Variants in FCHSD2 observed in about 807,000 individuals in gnomAD.
FCHSD2 encodes the protein F-BAR and double SH3 domains protein 2.
Under a neutral mutation model 108.1 loss-of-function variants are expected in FCHSD2, and 38 were observed. The ratio of observed to expected loss-of-function variants is 0.35; its 90% CI spans 0.27 to 0.46. FCHSD2 has a LOEUF of 0.46. FCHSD2 is among the 20% of genes least tolerant of loss of function. The pLI, the probability that FCHSD2 is intolerant of heterozygous loss-of-function variation, is 1.00. For missense variants in FCHSD2, 751 were observed against 897.8 expected, an observed-to-expected ratio of 0.84 and a Z score of 2.09; for synonymous variants, 279 against 314.7, an observed-to-expected ratio of 0.89 and a Z score of 1.20.
intron 2 of FCHSD2, among the ~76,000 whole-genome samples, chr11:73,108,125 C>T (rs1860389514): frequency 6.6e-6 from 1 of 152,296 alleles, no homozygotes; most frequent in South Asian, 2.1e-4. Flanking sequence ...GGGGTAATAT[C>T]TCATTGTAGT....
chr11:72,884,610 T>C (rs1473014587), intron 12 of FCHSD2, among the ~76,000 whole-genome samples: 3 of 149,862 alleles, frequency 2.0e-5, no homozygotes, highest in Admixed American at 6.7e-5. Flanking sequence ...AAAGATCATA[T>C]ATATACACAC....
chr11:73,125,862 C>G (rs80126159), intron 2 of FCHSD2, among the ~76,000 whole-genome samples: 2 of 152,160 alleles, frequency 1.3e-5, no homozygotes, highest in Admixed American at 1.3e-4. Flanking sequence ...ATATAAAACA[C>G]TTCTTTTAGT....
rs755094915 is a variant in FCHSD2, at chr11:72,989,112, A to G, written c.388-15T>C. The G allele has an allele frequency of 1.5e-5, 24 of 1,593,038 alleles. No individual in the cohort carries two copies. Among genetic ancestry groups the G allele is most frequent in the Admixed American group, 5.3e-5 (3 of 56,628 alleles). On this transcript the variant is annotated splice_polypyrimidine_tract_variant and intron_variant, in intron 5 of 19. Coordinates refer to ENST00000409418, the MANE Select transcript of FCHSD2 (RefSeq NM_014824.3). ...TGGTCCACACACTGTAAAATACAAA[A>G]GTACAATCATTATGATTTTAGTTTT...
At chr11:72,944,315 T>C (rs149828222) in intron 8 of FCHSD2, among the ~76,000 whole-genome samples, 34,251 of 152,054 alleles carry the variant, frequency 0.23, 4,624 homozygotes, top group Middle Eastern at 0.37. Context: ...ATTATCTCAA[T>C]AGATGCAGAA....
At chr11:72,997,910 A>G (rs1406804927) in intron 5 of FCHSD2, among the ~76,000 whole-genome samples, 1 of 152,210 alleles carries the variant, frequency 6.6e-6, no homozygotes, top group African/African-American at 2.4e-5. Context: ...CATGTTGGCC[A>G]GGCTGATCTT....
intron 12 of FCHSD2, among the ~76,000 whole-genome samples, chr11:72,882,094 G>A (rs749842717): frequency 7.9e-5 from 12 of 151,874 alleles, no homozygotes; most frequent in African/African-American, 1.2e-4. Context: ...GCAGTGAGCC[G>A]AAATCGCGCC....
At chr11:72,930,363 C>T (rs944632106) in intron 8 of FCHSD2, among the ~76,000 whole-genome samples, 2 of 152,228 alleles carry the variant, frequency 1.3e-5, no homozygotes, top group Admixed American at 6.5e-5. Flanking sequence ...TTTGTACATA[C>T]TGAAGATCAC....
At chr11:72,991,651 G>A (rs903442040) in intron 5 of FCHSD2, among the ~76,000 whole-genome samples, 1 of 152,032 alleles carries the variant, frequency 6.6e-6, no homozygotes, top group Non-Finnish European at 1.5e-5. Flanking sequence ...CAGAACCAAC[G>A]ACAAAAACCA....
chr11:73,072,118 G>A (rs936541034), intron 3 of FCHSD2, among the ~76,000 whole-genome samples: 4 of 151,020 alleles, frequency 2.6e-5, no homozygotes, highest in Admixed American at 6.6e-5. Flanking sequence ...AAATAAAAAC[G>A]GGCATGTTCA....
At chr11:72,915,781 G>C (rs987376962) in intron 9 of FCHSD2, among the ~76,000 whole-genome samples, 5 of 152,134 alleles carry the variant, frequency 3.3e-5, no homozygotes, top group African/African-American at 1.2e-4. Context: ...TCACGCCATT[G>C]CTCTCCAGCC....
intron 3 of FCHSD2, among the ~76,000 whole-genome samples, chr11:73,028,210 T>C (rs1858274314): frequency 6.6e-6 from 1 of 152,112 alleles, no homozygotes; most frequent in African/African-American, 2.4e-5. Context: ...TGGCAGCCTG[T>C]GAAAGTAGCT....
Position 73,066,712 on chromosome 11 carries a change from T to C in FCHSD2, c.165+16983A>G, listed in dbSNP as rs538589370. 3.9e-5 allele frequency among the ~76,000 whole-genome samples: 6 copies of C among 151,956 alleles called. No individual in the cohort carries two copies. The East Asian group carries it at 9.6e-4, about 24-fold the overall frequency. ...CAGTTCTCAAAAGAAGACATTTATGTAGCCAACAGACATGAAAAAATGCTC... is the reference window on the plus strand; with the variant it reads ...CAGTTCTCAAAAGAAGACATTTATGCAGCCAACAGACATGAAAAAATGCTC... On this transcript the variant is annotated intron_variant, in intron 3 of 19. Transcript: ENST00000409418.
intron 8 of FCHSD2, 54 bp from the exon 9 acceptor site, chr11:72,922,004 T>A: frequency 7.7e-7 from 1 of 1,305,552 alleles, no homozygotes; most frequent in East Asian, 2.5e-5. Flanking sequence ...CCTTGACATA[T>A]GATATCTTCT....
At chr11:73,005,984 T>TA (rs1440151870) in intron 4 of FCHSD2, among the ~76,000 whole-genome samples, 1 of 150,694 alleles carries the variant, frequency 6.6e-6, no homozygotes, top group Non-Finnish European at 1.5e-5. Flanking sequence ...CACAGCTTAC[T>TA]ACAGCCTCGA....
intron 9 of FCHSD2, among the ~76,000 whole-genome samples, chr11:72,906,344 G>C (rs1468201029): frequency 6.6e-6 from 1 of 152,086 alleles, no homozygotes; most frequent in Non-Finnish European, 1.5e-5. Flanking sequence ...CAGATGGGTA[G>C]ATTGCAAAGA....
intron 3 of FCHSD2, among the ~76,000 whole-genome samples, chr11:73,072,252 G>C (rs961567458): frequency 1.3e-5 from 2 of 151,364 alleles, no homozygotes; most frequent in African/African-American, 4.9e-5. Flanking sequence ...AAATAATGGG[G>C]ATCAGCATCA....
intron 2 of FCHSD2, among the ~76,000 whole-genome samples, chr11:73,137,117 G>C (rs1368528225): frequency 6.6e-6 from 1 of 152,044 alleles, no homozygotes; most frequent in African/African-American, 2.4e-5. Context: ...AGAGAAGCCA[G>C]ATCACCTCCT....
At chr11:73,056,714 C>T (rs1565388672) in intron 3 of FCHSD2, among the ~76,000 whole-genome samples, 1 of 152,028 alleles carries the variant, frequency 6.6e-6, no homozygotes, top group Non-Finnish European at 1.5e-5. Flanking sequence ...ATGACAGAAA[C>T]AAAAGGTACT....
chr11:72,964,914 C>A (rs1198436915), intron 8 of FCHSD2, among the ~76,000 whole-genome samples: 2 of 151,834 alleles, frequency 1.3e-5, no homozygotes, highest in Admixed American at 6.6e-5. Context: ...CTCAGCCTCC[C>A]GAGTAGCGGG....
Sources: allele counts gnomAD v4.1 joint callset (sites outside exome capture counted in the v4.1 genomes callset), GRCh38; gene constraint gnomAD v4.1.1; transcripts MANE v1.5; gene names NCBI Gene and HGNC (gene_info 2026-07-23, HGNC 2026-07-21).